PDAP1: variants seen among roughly 807,000 people sequenced by gnomAD.
PDAP1 encodes the protein PDGFA associated protein 1, also known as 28 kDa heat- and acid-stable phosphoprotein.
Under a neutral mutation model 28.0 loss-of-function variants are expected in PDAP1, and 13 were observed. That is an observed-to-expected ratio of 0.46 (90% CI 0.30 to 0.74). The LOEUF is 0.74. Ranked by LOEUF, PDAP1 falls within the 30% of genes least tolerant of loss-of-function variation. PDAP1 has a pLI of 0.07. For synonymous variants in PDAP1, 77 were observed against 85.1 expected, an observed-to-expected ratio of 0.91 and a Z score of 0.52; for missense variants, 150 against 230.0, an observed-to-expected ratio of 0.65 and a Z score of 2.25.
chr7:99,396,520 C>CCCCCAA lies in PDAP1; in HGVS notation c.*161_*162insTTGGGG. ...TCCCCCAGTCCCCCCCCCCATCCCC[C>CCCCCAA]AAACAATTTCTGTGCCAAGATGAAG... On this transcript the variant is annotated 3_prime_UTR_variant, in exon 6 of 6. Transcript: ENST00000350498. 1.7e-6 allele frequency: 1 copy of CCCCCAA among 593,208 alleles called. No homozygotes were observed. The highest frequency in any genetic ancestry group is 3.1e-6 in the Non-Finnish European group (1 of 322,442). 36.7% of individuals were successfully genotyped at this position (593,208 alleles called of 1,614,324 possible). A position where few individuals can be genotyped will look rare whatever the true frequency, so the allele number is the denominator to read the frequency against.
intron 1 of PDAP1, 59 bp from the exon 2 acceptor site, chr7:99,405,012 A>G (rs1794945812): frequency 2.3e-6 from 3 of 1,308,016 alleles, no homozygotes; most frequent in Admixed American, 3.4e-5. Flanking sequence ...TCTGACCCCC[A>G]GAGGGCTGTG....
chr7:99,398,718 A>T (rs1008838217), intron 4 of PDAP1, among the ~76,000 whole-genome samples: 2 of 152,090 alleles, frequency 1.3e-5, no homozygotes, highest in Non-Finnish European at 2.9e-5. Context: ...AAATACAAAC[A>T]AAAAAAGGAA....
At chr7:99,396,836 C>G in intron 5 of PDAP1, 96 bp from the exon 6 acceptor site, 1 of 928,692 alleles carries the variant, frequency 1.1e-6, no homozygotes, top group Non-Finnish European at 1.7e-6. Context: ...GTCTGAAAGG[C>G]TGCAGAAAAC....
At chr7:99,400,216 C>G (rs1794838936) in intron 4 of PDAP1, 87 bp downstream of exon 4, 1 of 1,451,060 alleles carries the variant, frequency 6.9e-7, no homozygotes, top group Non-Finnish European at 9.5e-7. Flanking sequence ...ACAGCCACAG[C>G]TCCCAGCCAG....
rs1419909034 is a variant in PDAP1, at chr7:99,404,789, G to C, written c.105+73C>G. ...CCCTGCGAATGGGTAGTCCTTGCCTGGCCTCTCTATGAACCAAATTGGCAA... is the reference window on the plus strand; with the variant it reads ...CCCTGCGAATGGGTAGTCCTTGCCTCGCCTCTCTATGAACCAAATTGGCAA... On this transcript the variant is annotated intron_variant, in intron 2 of 5. Coordinates refer to ENST00000350498, the MANE Select transcript of PDAP1 (RefSeq NM_014891.7). 4.1e-6 allele frequency: 5 copies of C among 1,220,772 alleles called. No homozygotes were observed. In the East Asian group the frequency reaches 7.0e-5, roughly 17 times the overall value. 75.6% of individuals were successfully genotyped at this position (1,220,772 alleles called of 1,614,324 possible). A position where few individuals can be genotyped will look rare whatever the true frequency, so the allele number is the denominator to read the frequency against.
At chr7:99,396,790 C>G (rs1177001178) in intron 5 of PDAP1, 50 bp from the exon 6 acceptor site, 3 of 1,420,472 alleles carry the variant, frequency 2.1e-6, no homozygotes, top group African/African-American at 1.4e-5. Flanking sequence ...CCCCCCACCC[C>G]CTCCCAACAC....
intron 1 of PDAP1, among the ~76,000 whole-genome samples, chr7:99,408,283 C>G (rs1223302316): frequency 1.3e-5 from 2 of 152,064 alleles, no homozygotes; most frequent in East Asian, 3.9e-4. Context: ...CATCCTAGAT[C>G]CGGCTTTCTA....
At chr7:99,402,588 A>G (rs2150906140) in intron 3 of PDAP1, among the ~76,000 whole-genome samples, 1 of 151,034 alleles carries the variant, frequency 6.6e-6, no homozygotes, top group Admixed American at 6.6e-5. Context: ...AAAAAAAAAA[A>G]AAAAAAAAAA....
rs1794758675 is a variant in PDAP1, at chr7:99,396,306, C to T, written c.*376G>A. ...GGGCTGTGTGTAGCAAACCTGTCAG[C>T]AGCTGCCTCCTGGGACAACCACCCC... On this transcript the variant is annotated 3_prime_UTR_variant, in exon 6 of 6. Coordinates refer to ENST00000350498, the MANE Select transcript of PDAP1 (RefSeq NM_014891.7). The T allele has an allele frequency of 3.0e-5, 10 of 337,392 alleles. No homozygotes were observed. The highest frequency in any genetic ancestry group is 2.3e-4 in the South Asian group (10 of 43,520). 20.9% of individuals were successfully genotyped at this position (337,392 alleles called of 1,614,324 possible).
chr7:99,394,849 T>C lies in PDAP1; in HGVS notation c.*1833A>G. 1 of 1,234,770 alleles carries C rather than the reference T, an allele frequency of 8.1e-7. No homozygotes were observed. The allele number at this position is 1,234,770 out of a possible 1,614,324, so 76.5% of individuals were successfully genotyped here. ...ATGTGGAAGGAGAGGTTTTTTGTTA[T>C]TTCCTTGGGGTCTTGCTAAGTTTTC... On this transcript the variant is annotated 3_prime_UTR_variant, in exon 6 of 6. Coordinates refer to ENST00000350498, the MANE Select transcript of PDAP1 (RefSeq NM_014891.7).
intron 1 of PDAP1, chr7:99,406,438 C>A: frequency 3.0e-6 from 1 of 332,020 alleles, no homozygotes; most frequent in Non-Finnish European, 4.3e-6. Flanking sequence ...GAAACCCAAA[C>A]CTACAGGCAA....
Position 99,396,017 on chromosome 7 carries a change from T to C in PDAP1, c.*665A>G, listed in dbSNP as rs1008729939. Reference sequence around the variant, plus strand: ...AATGTCAAGTTTAATCTGCCAAATATACAAGTTGAATTTGTGGAGCATGTT... The same window carrying C: ...AATGTCAAGTTTAATCTGCCAAATACACAAGTTGAATTTGTGGAGCATGTT... On this transcript the variant is annotated 3_prime_UTR_variant, in exon 6 of 6. Transcript: ENST00000350498. 3.3e-5 allele frequency: 5 copies of C among 153,090 alleles called. No individual in the cohort carries two copies. Among genetic ancestry groups the C allele is most frequent in the Non-Finnish European group, 5.9e-5 (4 of 68,360 alleles). 9.5% of individuals were successfully genotyped at this position (153,090 alleles called of 1,614,324 possible).
At chr7:99,403,239 ACTGT>A (rs1354857377) in intron 3 of PDAP1, 155 bp downstream of exon 3, 5 of 605,572 alleles carry the variant, frequency 8.3e-6, no homozygotes, top group Admixed American at 2.9e-5. Flanking sequence ...TTGAAATGAC[ACTGT>A]CTGTTTACTT....
intron 5 of PDAP1, among the ~76,000 whole-genome samples, chr7:99,397,288 G>A (rs561599837): frequency 6.6e-6 from 1 of 152,258 alleles, no homozygotes; most frequent in South Asian, 2.1e-4. Flanking sequence ...ACCCCCGGGA[G>A]ATGGAATGTT....
Position 99,394,829 on chromosome 7 carries a change from G to T in PDAP1, c.*1853C>A. 1 of 1,244,228 alleles carries T rather than the reference G, an allele frequency of 8.0e-7. No homozygotes were observed. The highest frequency in any genetic ancestry group is 1.0e-6 in the Non-Finnish European group (1 of 995,686). 77.1% of individuals were successfully genotyped at this position (1,244,228 alleles called of 1,614,324 possible). On this transcript the variant is annotated 3_prime_UTR_variant, in exon 6 of 6. Coordinates refer to ENST00000350498, the MANE Select transcript of PDAP1 (RefSeq NM_014891.7). ...AATTATGGACATGCTTGCCTATGTG[G>T]AAGGAGAGGTTTTTTGTTATTTCCT...
rs188860597 is a variant in PDAP1 at position 99,401,308 on chromosome 7, G to A, written c.214-884C>T. ...TTGTCCACTCTTCTCCACTGCCATT[G>A]TCACCATCCTAGGGCAAGCCACGAT... On this transcript the variant is annotated intron_variant, in intron 3 of 5. Coordinates refer to ENST00000350498, the MANE Select transcript of PDAP1 (RefSeq NM_014891.7). 6.6e-5 allele frequency among the ~76,000 whole-genome samples: 10 copies of A among 152,168 alleles called. No homozygotes were observed. The East Asian group carries it at 1.4e-3, about 21-fold the overall frequency.
At chr7:99,406,436 A>G (rs1282329690) in intron 1 of PDAP1, 1 of 319,804 alleles carries the variant, frequency 3.1e-6, no homozygotes, top group Admixed American at 6.5e-5. Context: ...AAGAAACCCA[A>G]ACCTACAGGC....
chr7:99,404,882 C>A lies in PDAP1; in HGVS notation c.85G>T (p.Ala29Ser). 1.9e-6 allele frequency: 3 copies of A among 1,612,882 alleles called. No individual in the cohort carries two copies. Among genetic ancestry groups the A allele is most frequent in the Non-Finnish European group, 2.5e-6 (3 of 1,179,906 alleles). The stretch of plus-strand genomic sequence containing the variant: ...CTCACCCTGGCCTTCTGCTTCTCAG[C>A]CTGCAGCTGCGCGTCGATCTCCTCA... The part of the protein sequence containing the change: ...SPEEIDAQLQ[A>S]EKQKAREEEE... The change falls in exon 2 of 6, where the codon GCT (alanine) becomes TCT (serine). Residue 29 changes from alanine (A) to serine (S), a missense_variant. Transcript: ENST00000350498.
chr7:99,408,329 G>A (rs985961182), intron 1 of PDAP1, among the ~76,000 whole-genome samples: 2 of 152,052 alleles, frequency 1.3e-5, no homozygotes, highest in African/African-American at 4.8e-5. Flanking sequence ...AAACTCCTCA[G>A]ACCACTGACG....
Sources: allele counts gnomAD v4.1 joint callset (sites outside exome capture counted in the v4.1 genomes callset), GRCh38; gene constraint gnomAD v4.1.1; transcripts MANE v1.5; gene names NCBI Gene and HGNC (gene_info 2026-07-23, HGNC 2026-07-21).